SRFBP1: variants seen among roughly 807,000 people sequenced by gnomAD.
SRFBP1 encodes serum response factor-binding protein 1.
A neutral mutation model predicts 45.5 loss-of-function variants in SRFBP1; 47 were observed. The ratio of observed to expected loss-of-function variants is 1.03; its 90% CI spans 0.82 to 1.32. The LOEUF (loss-of-function observed/expected upper bound fraction) is 1.32. Ranked by LOEUF, SRFBP1 falls within the 40% of genes most tolerant of loss-of-function variation. The pLI is 0.00. For synonymous variants in SRFBP1, 203 were observed against 166.3 expected (o/e 1.22, Z -1.70); for missense variants, 621 against 484.6 (o/e 1.28, Z -2.64).
chr5:121,977,405 T>C (rs1395756731), intron 3 of SRFBP1, among the ~76,000 whole-genome samples: 1 of 152,148 alleles, frequency 6.6e-6, no homozygotes, highest in African/African-American at 2.4e-5. Context: ...ATAAAATGAA[T>C]ACTAGAAAGA....
chr5:121,981,224 A>C (rs1345069517), intron 3 of SRFBP1, among the ~76,000 whole-genome samples: 1 of 151,926 alleles, frequency 6.6e-6, no homozygotes, highest in African/African-American at 2.4e-5. Flanking sequence ...TTTTAGGAAG[A>C]TGAAGAAGAA....
Position 122,006,993 on chromosome 5 carries a change from GA to G in SRFBP1, c.271-12266del, listed in dbSNP as rs1388341580. Among the ~76,000 whole-genome samples, 9 of 151,954 alleles carry G rather than the reference GA, an allele frequency of 5.9e-5. 1 individual carries two copies. The highest frequency in any genetic ancestry group is 2.2e-4 in the African/African-American group (9 of 41,252). On this transcript the variant is annotated intron_variant, in intron 4 of 7. Transcript: ENST00000339397. ...TTTCTGTCTCTTGTTGCCTTATGTT[GA>G]TTTTTGCATATTTACAGAAGTAGGG...
chr5:121,998,070 T>C (rs542844528), intron 4 of SRFBP1, among the ~76,000 whole-genome samples: 5 of 152,244 alleles, frequency 3.3e-5, no homozygotes, highest in Admixed American at 3.3e-4. Context: ...TTGGTGGGAC[T>C]GTAAACTTAG....
chr5:122,031,746 C>CTG, downstream of SRFBP1, among the ~76,000 whole-genome samples: 1 of 152,162 alleles, frequency 6.6e-6, no homozygotes, highest in Non-Finnish European at 1.5e-5. Flanking sequence ...AGATATCCAT[C>CTG]ATCTGATGAT....
intron 4 of SRFBP1, among the ~76,000 whole-genome samples, chr5:121,999,881 T>G (rs1752820116): frequency 6.6e-6 from 1 of 152,156 alleles, no homozygotes; most frequent in African/African-American, 2.4e-5. Context: ...ATCATGCTTT[T>G]TATCCAATCT....
chr5:121,998,794 A>G (rs1473094946), intron 4 of SRFBP1, among the ~76,000 whole-genome samples: 1 of 152,168 alleles, frequency 6.6e-6, no homozygotes, highest in Non-Finnish European at 1.5e-5. Flanking sequence ...ACTGGAACCC[A>G]AAAAGAATTA....
At chr5:122,067,831 C>T (rs928873372) in intron 2 of SRFBP1, among the ~76,000 whole-genome samples, 1 of 151,982 alleles carries the variant, frequency 6.6e-6, no homozygotes, top group African/African-American at 2.4e-5. Flanking sequence ...TAATGCTCCC[C>T]GGTGCATTCC....
At chr5:122,020,915 GT>G in intron 6 of SRFBP1, 113 bp downstream of exon 6, 1 of 976,704 alleles carries the variant, frequency 1.0e-6, no homozygotes, top group Non-Finnish European at 1.4e-6. Context: ...AACCCATCCT[GT>G]TTTTAGACAT....
intron 2 of SRFBP1, chr5:122,070,024 A>C: frequency 6.8e-7 from 1 of 1,469,300 alleles, no homozygotes; most frequent in Non-Finnish European, 9.5e-7. Flanking sequence ...TTGTGACAAC[A>C]ATTACTTAGC....
At chr5:121,979,892 C>G (rs1251958471) in intron 3 of SRFBP1, among the ~76,000 whole-genome samples, 1 of 152,166 alleles carries the variant, frequency 6.6e-6, no homozygotes, top group African/African-American at 2.4e-5. Flanking sequence ...TGCCAGGCTT[C>G]ATAAACCCAT....
At chr5:121,970,318 C>T (rs896030633) in intron 1 of SRFBP1, among the ~76,000 whole-genome samples, 1 of 152,006 alleles carries the variant, frequency 6.6e-6, no homozygotes, top group Non-Finnish European at 1.5e-5. Flanking sequence ...GGAATGTAAC[C>T]AAGGACCAAC....
chr5:122,035,534 C>CTA (rs1753680108), intron 2 of SRFBP1, among the ~76,000 whole-genome samples: 1 of 152,168 alleles, frequency 6.6e-6, no homozygotes, highest in Non-Finnish European at 1.5e-5. Context: ...TTCCCTAGAT[C>CTA]TCTGGCTGCT....
At chr5:122,003,079 C>T (rs1752904176) in intron 4 of SRFBP1, among the ~76,000 whole-genome samples, 2 of 152,134 alleles carry the variant, frequency 1.3e-5, no homozygotes, top group South Asian at 2.1e-4. Context: ...CATGGCGGCT[C>T]ACCCTGTAGT....
chr5:122,020,597 G>A lies in SRFBP1; in HGVS notation c.862G>A (p.Gly288Arg), dbSNP rs1056861364. ...TGATAGCGGTGACGACTTCTTCATT[G>A]GGAAAGTCAGACGGACACGAAAGAA... Reference protein sequence around the residue: ...DSDSGDDFFIGKVRRTRKKES... With the variant: ...DSDSGDDFFIRKVRRTRKKES... The change falls in exon 6 of 8, where the codon GGG becomes AGG. Residue 288 changes from glycine (G) to arginine (R), a missense_variant. By Grantham distance (125) the Gly-to-Arg change is moderately radical (BLOSUM62 -2). Transcript: ENST00000339397. 1 of 1,613,692 alleles carries A rather than the reference G, an allele frequency of 6.2e-7. No homozygotes were observed. Among genetic ancestry groups the A allele is most frequent in the Non-Finnish European group, 8.5e-7 (1 of 1,179,906 alleles).
intron 1 of SRFBP1, among the ~76,000 whole-genome samples, chr5:121,971,778 G>C (rs565871695): frequency 6.6e-6 from 1 of 152,120 alleles, no homozygotes; most frequent in African/African-American, 2.4e-5. Flanking sequence ...AGAGTGAGTA[G>C]AAAGGAAAGA....
At position 122,054,777 on chromosome 5, in the gene SRFBP1, G is replaced by A. The variant is rs573750319; in HGVS notation, n.312-20538G>A. Among the ~76,000 whole-genome samples, 3 of 152,174 alleles carry A rather than the reference G, an allele frequency of 2.0e-5. No homozygotes were observed. The East Asian group carries it at 5.8e-4, about 29-fold the overall frequency. On this transcript the variant is annotated intron_variant and non_coding_transcript_variant, in intron 2 of 2. Transcript: ENST00000504881. ...TTTATATTCATAAATGTAAGAATAG[G>A]CAAATGGATATATTTATTTTTAAAT... is the stretch of plus-strand genomic sequence containing the variant.
Position 122,020,578 on chromosome 5 carries a change from C to T in SRFBP1, c.843C>T (p.Ser281=), listed in dbSNP as rs1390819328. 3.7e-6 allele frequency: 6 copies of T among 1,613,890 alleles called. No homozygotes were observed. Among genetic ancestry groups the T allele is most frequent in the Middle Eastern group, 1.7e-4 (1 of 6,060 alleles). The stretch of plus-strand genomic sequence containing the variant: ...CTTCCATGTCTGAAGATAGTGATAG[C>T]GGTGACGACTTCTTCATTGGGAAAG... ...KQSSMSEDSD[S]GDDFFIGKVR... is the part of the protein sequence containing the mutation. The change falls in exon 6 of 8, where the codon AGC becomes AGT. Residue 281 remains serine (S), a synonymous_variant. Coordinates refer to ENST00000339397, the MANE Select transcript of SRFBP1 (RefSeq NM_152546.3).
chr5:121,979,713 C>G (rs1752369360), intron 3 of SRFBP1, among the ~76,000 whole-genome samples: 1 of 152,154 alleles, frequency 6.6e-6, no homozygotes, highest in Non-Finnish European at 1.5e-5. Flanking sequence ...ATCTGGGACA[C>G]TATGTAATTC....
intron 4 of SRFBP1, among the ~76,000 whole-genome samples, chr5:122,001,349 TA>T (rs886820154): frequency 2.7e-4 from 41 of 150,634 alleles, no homozygotes; most frequent in African/African-American, 9.9e-4. Context: ...CTAGATGATT[TA>T]GGGCCATGAT....
Sources: allele counts gnomAD v4.1 joint callset (sites outside exome capture counted in the v4.1 genomes callset), GRCh38; gene constraint gnomAD v4.1.1; transcripts MANE v1.5; gene names NCBI Gene and HGNC (gene_info 2026-07-23, HGNC 2026-07-21).